CAP2: variants seen among roughly 807,000 people sequenced by gnomAD.
CAP2 encodes the protein cyclase associated actin cytoskeleton regulatory protein 2.
Under a neutral mutation model 57.7 loss-of-function variants are expected in CAP2, and 24 were observed. That is an observed-to-expected ratio of 0.42 (90% CI 0.30 to 0.58). The LOEUF (loss-of-function observed/expected upper bound fraction) is 0.58. Among genes scored for constraint, CAP2 ranks in the 20% least tolerant of loss-of-function variants. The pLI, the probability that CAP2 is intolerant of heterozygous loss-of-function variation, is 0.22. For missense variants in CAP2, 501 were observed against 590.3 expected (o/e 0.85, Z 1.57); for synonymous variants, 194 against 207.2 (o/e 0.94, Z 0.55).
intron 7 of CAP2, among the ~76,000 whole-genome samples, chr6:17,527,960 A>G (rs1762550379): frequency 6.6e-6 from 1 of 152,190 alleles, no homozygotes; most frequent in Non-Finnish European, 1.5e-5. Context: ...CTTTTATCAA[A>G]AATTTTTACT....
rs1761660418 is a variant in CAP2, at chr6:17,496,032, G to GGGGC, written c.301-11134_301-11133insCGGG. On this transcript the variant is annotated intron_variant, in intron 4 of 12. Coordinates refer to ENST00000229922, the MANE Select transcript of CAP2 (RefSeq NM_006366.3). ...GCTGTGCATGCGTGTGTGGGTGGGG[G>GGGGC]GGGGGGGTAAGTCAGGGAAAACAGG... is the stretch of plus-strand genomic sequence containing the variant. 6.6e-4 allele frequency among the ~76,000 whole-genome samples: 87 copies of GGGGC among 132,664 alleles called. 5 individuals are homozygous for GGGGC. In the East Asian group the frequency reaches 0.016, roughly 25 times the overall value. The allele number at this position is 132,664 out of a possible 152,430, so 87.0% of individuals were successfully genotyped here.
chr6:17,440,638 T>TGTGC (rs1760048322), intron 3 of CAP2, among the ~76,000 whole-genome samples: 1 of 150,924 alleles, frequency 6.6e-6, no homozygotes, highest in Non-Finnish European at 1.5e-5. Context: ...TGTGTGTGTG[T>TGTGC]GTGTGTGGTC....
chr6:17,422,383 T>C (rs914895929), intron 2 of CAP2, among the ~76,000 whole-genome samples: 4 of 131,034 alleles, frequency 3.1e-5, no homozygotes, highest in African/African-American at 1.2e-4. Flanking sequence ...GGAGTCTCAC[T>C]CTGTTGCCCA....
chr6:17,505,668 C>G (rs941831751), intron 4 of CAP2, among the ~76,000 whole-genome samples: 25 of 152,214 alleles, frequency 1.6e-4, no homozygotes, highest in Admixed American at 1.2e-3. Context: ...AGCTCTTTAA[C>G]TGCTTCCACA....
At chr6:17,522,516 A>G (rs1438367316) in intron 7 of CAP2, among the ~76,000 whole-genome samples, 1 of 152,250 alleles carries the variant, frequency 6.6e-6, no homozygotes, top group Non-Finnish European at 1.5e-5. Context: ...ACGAAGAGCC[A>G]CAAAAGGGCT....
chr6:17,479,228 C>T (rs1170912516), intron 4 of CAP2, among the ~76,000 whole-genome samples: 4 of 152,154 alleles, frequency 2.6e-5, no homozygotes, highest in Admixed American at 6.5e-5. Flanking sequence ...TGTACACACA[C>T]GTCTGTACCA....
intron 3 of CAP2, among the ~76,000 whole-genome samples, chr6:17,428,566 T>C (rs989707578): frequency 8.9e-5 from 13 of 146,368 alleles, no homozygotes; most frequent in Non-Finnish European, 1.8e-4. Flanking sequence ...TAGGTGGGAA[T>C]TGAACAATGA....
intron 7 of CAP2, among the ~76,000 whole-genome samples, chr6:17,527,796 T>C (rs1027130863): frequency 1.2e-4 from 19 of 152,116 alleles, no homozygotes; most frequent in African/African-American, 3.9e-4. Context: ...GGTTTCACCA[T>C]GTTGGCCTGT....
rs1441065961 is a variant in CAP2 at position 17,529,426 on chromosome 6, G to A, written c.637-9843G>A. 3.3e-5 allele frequency among the ~76,000 whole-genome samples: 5 copies of A among 152,212 alleles called. No individual in the cohort carries two copies. In the East Asian group the frequency reaches 9.7e-4, roughly 29 times the overall value. ...GGAGGCCAAGGCAGGCGGATCACGA[G>A]GTCAGGAGATCGAGACCATCCTGGC... On this transcript the variant is annotated intron_variant, in intron 7 of 12. Coordinates refer to ENST00000229922, the MANE Select transcript of CAP2 (RefSeq NM_006366.3).
rs964436738 is a variant in CAP2, at chr6:17,555,402, C to A, written c.1351-957C>A. Among the ~76,000 whole-genome samples, 10 of 151,916 alleles carry A rather than the reference C, an allele frequency of 6.6e-5. No individual in the cohort carries two copies. In the East Asian group the frequency reaches 1.2e-3, roughly 18 times the overall value. On this transcript the variant is annotated intron_variant, in intron 12 of 12. Coordinates refer to ENST00000229922, the MANE Select transcript of CAP2 (RefSeq NM_006366.3). ...AGACACGGGGTTTCTCCATGTTGGT[C>A]AGGCTGGTCTCGAACTCCCAACCTC...
chr6:17,496,274 GA>G (rs1320845921), intron 4 of CAP2, among the ~76,000 whole-genome samples: 1 of 152,062 alleles, frequency 6.6e-6, no homozygotes, highest in African/African-American at 2.4e-5. Flanking sequence ...AAGCTCCGTG[GA>G]TCAAAAAGCT....
chr6:17,453,105 C>G (rs1339915252), intron 3 of CAP2, among the ~76,000 whole-genome samples: 3 of 152,178 alleles, frequency 2.0e-5, no homozygotes, highest in Non-Finnish European at 4.4e-5. Flanking sequence ...CCATGTTGTT[C>G]CATTCATTCT....
chr6:17,498,705 G>GTTTTA (rs1192932786), intron 4 of CAP2, among the ~76,000 whole-genome samples: 2 of 151,928 alleles, frequency 1.3e-5, no homozygotes, highest in Non-Finnish European at 2.9e-5. Flanking sequence ...AAAATAGCTT[G>GTTTTA]TTTTATTTTA....
chr6:17,480,426 A>C (rs1312059659), intron 4 of CAP2, among the ~76,000 whole-genome samples: 1 of 152,232 alleles, frequency 6.6e-6, no homozygotes, highest in Non-Finnish European at 1.5e-5. Flanking sequence ...GGAGACACCA[A>C]GAACTGCTTT....
At chr6:17,421,931 G>A (rs570413728) in intron 2 of CAP2, among the ~76,000 whole-genome samples, 1 of 152,366 alleles carries the variant, frequency 6.6e-6, no homozygotes, top group East Asian at 1.9e-4. Flanking sequence ...CACCCAGGCT[G>A]GAGTGCAGTG....
In CAP2 at chr6:17,513,911, A is replaced by G. The variant is rs746391584; in HGVS notation, c.593A>G (p.Tyr198Cys). Residue 198 changes from tyrosine to cysteine, a missense_variant, in exon 7 of 13, where the codon TAC becomes TGC. Coordinates refer to ENST00000229922, the MANE Select transcript of CAP2 (RefSeq NM_006366.3). The surrounding 1 kb of genome is among the most constrained non-coding windows in gnomAD (Gnocchi z 4.3). Reference protein sequence around the residue: ...YLNIWSELQAYIKEHHTTGLT... With the variant: ...YLNIWSELQACIKEHHTTGLT... ...AACATTTGGAGTGAACTTCAAGCATACATCAAGGAACACCACACCACGGGC... is the reference window on the plus strand; with the variant it reads ...AACATTTGGAGTGAACTTCAAGCATGCATCAAGGAACACCACACCACGGGC... 1.2e-6 allele frequency: 2 copies of G among 1,613,772 alleles called. No homozygotes were observed. The highest frequency in any genetic ancestry group is 1.7e-6 in the Non-Finnish European group (2 of 1,179,650).
chr6:17,408,321 C>A (rs575017193), intron 1 of CAP2, among the ~76,000 whole-genome samples: 2 of 152,102 alleles, frequency 1.3e-5, no homozygotes, highest in African/African-American at 4.8e-5. Context: ...CTCATTTTTT[C>A]CTTGCCACTC....
chr6:17,433,749 A>G (rs991153852), intron 3 of CAP2, among the ~76,000 whole-genome samples: 5 of 152,232 alleles, frequency 3.3e-5, no homozygotes, highest in African/African-American at 1.2e-4. Context: ...GAGAAGTTTT[A>G]TTCTCAGCGT....
At chr6:17,531,209 GTACCCCCA>G (rs1223684858) in intron 7 of CAP2, 1 of 769,374 alleles carries the variant, frequency 1.3e-6, no homozygotes, top group East Asian at 2.4e-5. Context: ...TCAGAATTGG[GTACCCCCA>G]TGCAGTGTAT....
Sources: gnomAD v4.1 joint callset for allele counts (sites outside exome capture counted in the v4.1 genomes callset) on GRCh38, gnomAD v4.1.1 for gene constraint, Gnocchi (gnomAD v3.1) non-coding constraint, MANE v1.5 for transcripts, NCBI Gene and HGNC (gene_info 2026-07-23, HGNC 2026-07-21) for gene names.